The following GRIP2 variants were observed in gnomAD, a reference collection of about 807,000 sequenced individuals.
GRIP2 encodes the protein glutamate receptor-interacting protein 2.
GRIP2 carries 58 observed loss-of-function variants against 108.3 expected under a neutral mutation model. That is an observed-to-expected ratio of 0.54 (90% CI 0.43 to 0.67). GRIP2 has a LOEUF of 0.67. Among genes scored for constraint, GRIP2 ranks in the 30% least tolerant of loss-of-function variants. The probability of loss-of-function intolerance (pLI) is 0.00; values close to 1 mark genes in which losing one functional copy is unlikely to be tolerated. For missense variants in GRIP2, 1,278 were observed against 1,430.6 expected, an observed-to-expected ratio of 0.89 and a Z score of 1.72; for synonymous variants, 586 against 598.2, an observed-to-expected ratio of 0.98 and a Z score of 0.30.
the GRIP2 span, among the ~76,000 whole-genome samples, chr3:14,564,316 C>G: frequency 2.6e-5 from 4 of 152,334 alleles, no homozygotes; most frequent in East Asian, 5.8e-4. Context: ...GTGGAGGTGT[C>G]GGAAATGCCA....
chr3:14,526,804 AT>A (rs1694566828), intron 1 of GRIP2, among the ~76,000 whole-genome samples: 1 of 152,192 alleles, frequency 6.6e-6, no homozygotes, highest in African/African-American at 2.4e-5. Flanking sequence ...TCTTTCATAC[AT>A]TTCAAACATA....
upstream of GRIP2, chr3:14,542,198 T>G: frequency 1.8e-6 from 1 of 554,860 alleles, no homozygotes. Flanking sequence ...CTCTGTCACC[T>G]GGGCTGGAGT....
intron 1 of GRIP2, 26 bp from the exon 2 acceptor site, chr3:14,525,957 C>T (rs772299761): frequency 3.9e-6 from 6 of 1,545,194 alleles, no homozygotes; most frequent in Non-Finnish European, 3.5e-6. Flanking sequence ...AGGGAAAGGC[C>T]GAGTTCCACT....
Position 14,489,602 on chromosome 3 carries a change from A to C in GRIP2, c.*4063T>G, listed in dbSNP as rs1267488536. 6.6e-6 allele frequency: 1 copy of C among 152,156 alleles called. No homozygotes were observed. Among genetic ancestry groups the C allele is most frequent in the Non-Finnish European group, 1.5e-5 (1 of 68,066 alleles). The allele number at this position is 152,156 out of a possible 1,614,324, so 9.4% of individuals were successfully genotyped here. On this transcript the variant is annotated 3_prime_UTR_variant, in exon 24 of 24. Coordinates refer to ENST00000621039, the MANE Select transcript of GRIP2 (RefSeq NM_001080423.4). The stretch of plus-strand genomic sequence containing the variant: ...TGGCTCTACTGGCTCTACTGATTCT[A>C]CCTGCTACATGCCCAGCCCTGTACA...
intron 1 of GRIP2, among the ~76,000 whole-genome samples, chr3:14,534,392 G>C (rs1367879253): frequency 6.6e-6 from 1 of 152,130 alleles, no homozygotes; most frequent in Non-Finnish European, 1.5e-5. Flanking sequence ...GAACATGCTT[G>C]CTCTCTCCCA....
the GRIP2 span, among the ~76,000 whole-genome samples, chr3:14,569,420 C>T: frequency 6.6e-6 from 1 of 152,210 alleles, no homozygotes; most frequent in Non-Finnish European, 1.5e-5. Context: ...GGCCTGGTGC[C>T]TAGTCCCCTG....
chr3:14,602,939 A>G, the GRIP2 span, among the ~76,000 whole-genome samples: 3 of 147,302 alleles, frequency 2.0e-5, no homozygotes, highest in Admixed American at 6.7e-5. The surrounding 1 kb of genome is among the most constrained non-coding windows in gnomAD (Gnocchi z 4.7). Flanking sequence ...TTCGTCCGGC[A>G]GCCGCTGCAG....
intron 1 of GRIP2, among the ~76,000 whole-genome samples, chr3:14,532,765 GCTCAAC>G (rs893313216): frequency 1.3e-5 from 2 of 151,638 alleles, no homozygotes; most frequent in Admixed American, 6.6e-5. Flanking sequence ...CGGAGGTGGG[GCTCAAC>G]CTGGTTCCGG....
intron 1 of GRIP2, among the ~76,000 whole-genome samples, chr3:14,529,223 G>A (rs1020095299): frequency 2.4e-4 from 35 of 148,520 alleles, no homozygotes; most frequent in African/African-American, 8.0e-4. Flanking sequence ...AGGTGGCAGT[G>A]AGCCGAGACC....
Position 14,511,247 on chromosome 3 carries a change from G to A in GRIP2, c.1851C>T (p.Cys617=), listed in dbSNP as rs2124885992. 6.2e-7 allele frequency: 1 copy of A among 1,614,030 alleles called. No individual in the cohort carries two copies. The highest frequency in any genetic ancestry group is 2.2e-5 in the East Asian group (1 of 44,878). ...GGATTTGCACGGCGTCCTCCATGGG[G>A]CAGTTGTCCAGGCGGATATTGTCAA... is the stretch of plus-strand genomic sequence containing the variant. ...LAIDNIRLDN[C]PMEDAVQILR... The change falls in exon 16 of 24, where the codon TGC becomes TGT. Residue 617 remains cysteine (C), a synonymous_variant. Transcript: ENST00000621039. This position sits in a 1 kb window ranked among gnomAD's most constrained non-coding sequence, Gnocchi z 4.1.
At chr3:14,509,274 C>G (rs888344134) in intron 17 of GRIP2, among the ~76,000 whole-genome samples, 2 of 152,232 alleles carry the variant, frequency 1.3e-5, no homozygotes, top group Admixed American at 1.3e-4. Context: ...CCGGATTCAT[C>G]CCTGCCCAGC....
At position 14,521,419 on chromosome 3, in the gene GRIP2, A is replaced by G; in HGVS notation, c.712+223T>C. 1 of 521,472 alleles carries G rather than the reference A, an allele frequency of 1.9e-6. No individual in the cohort carries two copies. The highest frequency in any genetic ancestry group is 3.4e-6 in the Non-Finnish European group (1 of 297,448). 32.3% of individuals were successfully genotyped at this position (521,472 alleles called of 1,614,324 possible). On this transcript the variant is annotated intron_variant, in intron 7 of 23. Coordinates refer to ENST00000621039, the MANE Select transcript of GRIP2 (RefSeq NM_001080423.4). This position sits in a 1 kb window ranked among gnomAD's most constrained non-coding sequence, Gnocchi z 5.1. ...ACTGTCCTCTCTCCACCAGAATGCC[A>G]GCTCCATGAGAACAGACACCTCAAT... is the stretch of plus-strand genomic sequence containing the variant.
In GRIP2 at chr3:14,525,884, C is replaced by G. The variant is rs954786395; in HGVS notation, c.88G>C (p.Val30Leu). The G allele has an allele frequency of 3.2e-6, 5 of 1,561,434 alleles. No homozygotes were observed. The highest frequency in any genetic ancestry group is 2.6e-6 in the Non-Finnish European group (3 of 1,152,600). The change falls in exon 2 of 24, where the codon GTT becomes CTT. Residue 30 changes from valine to leucine, a missense_variant. Transcript: ENST00000621039. ...KGGKDAGGAD[V>L]SLACRRQSIP... ...CTCTGTCTGCGGCACGCCAGGGAAACGTCGGCCCCTCCTGCGTCCTTGCCT... is the reference window on the plus strand; with the variant it reads ...CTCTGTCTGCGGCACGCCAGGGAAAGGTCGGCCCCTCCTGCGTCCTTGCCT...
chr3:14,595,762 G>A, the GRIP2 span, among the ~76,000 whole-genome samples: 7 of 152,224 alleles, frequency 4.6e-5, no homozygotes, highest in Non-Finnish European at 7.3e-5. Flanking sequence ...CAGCAGCTCC[G>A]GCCAAGCCAT....
the GRIP2 span, among the ~76,000 whole-genome samples, chr3:14,595,432 G>A: frequency 6.6e-6 from 1 of 152,194 alleles, no homozygotes; most frequent in Non-Finnish European, 1.5e-5. Context: ...GACTTCCACA[G>A]GTATGAGCCG....
At chr3:14,584,487 C>G in the GRIP2 span, among the ~76,000 whole-genome samples, 1 of 152,196 alleles carries the variant, frequency 6.6e-6, no homozygotes, top group Non-Finnish European at 1.5e-5. Context: ...CCTCAGTTTC[C>G]TCCTCTGTAA....
chr3:14,572,810 GC>G, the GRIP2 span: 2 of 814,812 alleles, frequency 2.5e-6, no homozygotes. Context: ...TCTGGCTCTG[GC>G]CTGCTGGAGC....
At chr3:14,518,466 C>T (rs1694316090) in intron 9 of GRIP2, among the ~76,000 whole-genome samples, 1 of 152,164 alleles carries the variant, frequency 6.6e-6, no homozygotes, top group Non-Finnish European at 1.5e-5. Flanking sequence ...GCTCCCCCTT[C>T]CCAGGCTGCA....
upstream of GRIP2, among the ~76,000 whole-genome samples, chr3:14,544,844 G>A (rs1218417092): frequency 6.6e-6 from 1 of 152,216 alleles, no homozygotes; most frequent in Non-Finnish European, 1.5e-5. Flanking sequence ...ACCAGCCACA[G>A]GGGAGGGGCA....
Sources: gnomAD v4.1 joint callset for allele counts (sites outside exome capture counted in the v4.1 genomes callset) on GRCh38, gnomAD v4.1.1 for gene constraint, Gnocchi (gnomAD v3.1) non-coding constraint, MANE v1.5 for transcripts, NCBI Gene and HGNC (gene_info 2026-07-23, HGNC 2026-07-21) for gene names.